The following PCBP3 variants were observed in gnomAD, a reference collection of about 807,000 sequenced individuals.
The protein encoded by PCBP3 is poly(rC)-binding protein 3.
PCBP3 carries 25 observed loss-of-function variants against 52.7 expected under a neutral mutation model. The observed-to-expected ratio is 0.47, with a 90% CI of 0.35 to 0.66. The LOEUF (loss-of-function observed/expected upper bound fraction) is 0.66. Ranked by LOEUF, PCBP3 falls within the 30% of genes least tolerant of loss-of-function variation. PCBP3 has a pLI of 0.01. For synonymous variants in PCBP3, 162 were observed against 183.0 expected, an observed-to-expected ratio of 0.89 and a Z score of 0.93; for missense variants, 391 against 490.3, an observed-to-expected ratio of 0.80 and a Z score of 1.91.
chr21:45,839,450 G>A (rs1307010245), intron 4 of PCBP3, among the ~76,000 whole-genome samples: 1 of 152,084 alleles, frequency 6.6e-6, no homozygotes, highest in African/African-American at 2.4e-5. Context: ...TTCGTGGTTG[G>A]CCCAACCCCA....
rs1014382336 is a variant in PCBP3, at chr21:45,817,621, A to G, written c.-125-32340A>G. Among the ~76,000 whole-genome samples, 4 of 152,218 alleles carry G rather than the reference A, an allele frequency of 2.6e-5. No individual in the cohort carries two copies. Among genetic ancestry groups the G allele is most frequent in the African/African-American group, 9.7e-5 (4 of 41,436 alleles). Reference sequence around the variant, plus strand: ...TGAGCAGCAACTTGACAGTGGACGCAGCTAGAAAGCAGCCGGCGAGGAGCT... The same window carrying G: ...TGAGCAGCAACTTGACAGTGGACGCGGCTAGAAAGCAGCCGGCGAGGAGCT... On this transcript the variant is annotated intron_variant, in intron 4 of 17. Coordinates refer to ENST00000681687, the MANE Select transcript of PCBP3 (RefSeq NM_001384156.1). This position sits in a 1 kb window ranked among gnomAD's most constrained non-coding sequence, Gnocchi z 4.3.
intron 4 of PCBP3, among the ~76,000 whole-genome samples, chr21:45,772,855 C>G (rs756966022): frequency 1.1e-4 from 16 of 152,104 alleles, no homozygotes; most frequent in Admixed American, 3.9e-4. Flanking sequence ...TTTTCACATA[C>G]TTCTTGGCTG....
chr21:45,734,886 G>C (rs1445781218), intron 2 of PCBP3, among the ~76,000 whole-genome samples: 5 of 152,226 alleles, frequency 3.3e-5, no homozygotes, highest in African/African-American at 1.2e-4. Context: ...CTGGACAGAG[G>C]CCGGCTGTCT....
intron 4 of PCBP3, among the ~76,000 whole-genome samples, chr21:45,845,709 C>T (rs2093796261): frequency 1.3e-5 from 2 of 152,170 alleles, no homozygotes; most frequent in South Asian, 2.1e-4. Flanking sequence ...CCCGTTTGCA[C>T]ATGTATGTGA....
rs141336156 is a variant in PCBP3 at position 45,921,679 on chromosome 21, C to T, written c.717+4050C>T. ...AAAAATACAAAAAAATTTAGCCAGA[C>T]GTGGTGGCACACGCCTGTAGTCCCA... On this transcript the variant is annotated intron_variant, in intron 13 of 17. Transcript: ENST00000681687. Among the ~76,000 whole-genome samples the T allele has an allele frequency of 1.7e-4, 26 of 152,132 alleles. No homozygotes were observed. The East Asian group carries it at 2.7e-3, about 16-fold the overall frequency.
intron 2 of PCBP3, among the ~76,000 whole-genome samples, chr21:45,689,941 A>G (rs929374913): frequency 6.6e-6 from 1 of 152,158 alleles, no homozygotes; most frequent in Non-Finnish European, 1.5e-5. Context: ...ATTTGAATTG[A>G]TCTACAGATT....
At chr21:45,780,867 C>T (rs1232127063) in intron 4 of PCBP3, among the ~76,000 whole-genome samples, 1 of 152,128 alleles carries the variant, frequency 6.6e-6, no homozygotes, top group Non-Finnish European at 1.5e-5. Flanking sequence ...AAGCTGGTTT[C>T]CTGCAGGGAA....
In PCBP3 at chr21:45,701,536, CATTTT is replaced by C. The variant is rs1250270146; in HGVS notation, c.-200+32588_-200+32592del. Reference sequence around the variant, plus strand: ...TAATGAACCCATTATATAATAAAAACATTTTATTATTTATTTATTGAGACAGTTTC... The same window carrying C: ...TAATGAACCCATTATATAATAAAAACATTATTTATTTATTGAGACAGTTTC... On this transcript the variant is annotated intron_variant, in intron 2 of 17. Coordinates refer to ENST00000681687, the MANE Select transcript of PCBP3 (RefSeq NM_001384156.1). Among the ~76,000 whole-genome samples, 9 of 152,224 alleles carry C rather than the reference CATTTT, an allele frequency of 5.9e-5. No individual in the cohort carries two copies. In the East Asian group the frequency reaches 1.7e-3, roughly 29 times the overall value.
chr21:45,753,401 A>G (rs1481890624), intron 3 of PCBP3, among the ~76,000 whole-genome samples: 2 of 151,772 alleles, frequency 1.3e-5, no homozygotes, highest in Non-Finnish European at 1.5e-5. Flanking sequence ...TTTATCTAGT[A>G]TATATTTTTC....
At chr21:45,765,362 A>C (rs1354113544) in intron 4 of PCBP3, among the ~76,000 whole-genome samples, 1 of 152,238 alleles carries the variant, frequency 6.6e-6, no homozygotes, top group Admixed American at 6.5e-5. Flanking sequence ...TGAGGTAATC[A>C]GATTTTTTGT....
chr21:45,911,606 G>C (rs1387821188), intron 11 of PCBP3, among the ~76,000 whole-genome samples: 1 of 152,132 alleles, frequency 6.6e-6, no homozygotes, highest in Non-Finnish European at 1.5e-5. Context: ...TGAAGTTTCG[G>C]GGGGAGGAAA....
At chr21:45,784,813 A>G (rs12329855) in intron 4 of PCBP3, among the ~76,000 whole-genome samples, 25,856 of 152,070 alleles carry the variant, frequency 0.17, 2,297 homozygotes, top group Middle Eastern at 0.32. Flanking sequence ...GCTCGCTACA[A>G]CATCCACCTC....
intron 2 of PCBP3, among the ~76,000 whole-genome samples, chr21:45,698,485 G>T (rs890644188): frequency 6.6e-6 from 1 of 152,238 alleles, no homozygotes; most frequent in Non-Finnish European, 1.5e-5. Context: ...GCCTAGCAGG[G>T]CTCTCTTGGG....
intron 4 of PCBP3, among the ~76,000 whole-genome samples, chr21:45,846,704 T>C (rs956469596): frequency 6.6e-6 from 1 of 152,230 alleles, no homozygotes; most frequent in Non-Finnish European, 1.5e-5. Flanking sequence ...TCTTAACTCA[T>C]ATGGCTTCGC....
rs2090917357 is a variant in PCBP3 at position 45,784,414 on chromosome 21, C to CT, written c.-126+28962_-126+28963insT. On this transcript the variant is annotated intron_variant, in intron 4 of 17. Coordinates refer to ENST00000681687, the MANE Select transcript of PCBP3 (RefSeq NM_001384156.1). ...CCTCTACCGCTACCTCTACCGCTAC[C>CT]GCTACCCCTACCTCCTACCTCCTAC... Among the ~76,000 whole-genome samples, 8 of 140,602 alleles carry CT rather than the reference C, an allele frequency of 5.7e-5. No individual in the cohort carries two copies. In the East Asian group the frequency reaches 1.2e-3, roughly 21 times the overall value. The allele number at this position is 140,602 out of a possible 152,430, so 92.2% of individuals were successfully genotyped here.
At chr21:45,940,620 T>TCTGCAGG (rs1342127110) in intron 17 of PCBP3, among the ~76,000 whole-genome samples, 1 of 151,874 alleles carries the variant, frequency 6.6e-6, no homozygotes, top group Non-Finnish European at 1.5e-5. Flanking sequence ...AGGACAGGAC[T>TCTGCAGG]CTGCAGGCCG....
At chr21:45,818,819 A>G (rs1220606434) in intron 4 of PCBP3, among the ~76,000 whole-genome samples, 1 of 152,228 alleles carries the variant, frequency 6.6e-6, no homozygotes, top group African/African-American at 2.4e-5. Flanking sequence ...GTGGAATATG[A>G]TTCAGCACTA....
intron 4 of PCBP3, among the ~76,000 whole-genome samples, chr21:45,844,481 C>T (rs1297910757): frequency 6.6e-6 from 1 of 152,104 alleles, no homozygotes; most frequent in Non-Finnish European, 1.5e-5. Context: ...CCGCAGGACA[C>T]CTGCCAGGGT....
At chr21:45,816,356 CACAA>C (rs1332573103) in intron 4 of PCBP3, among the ~76,000 whole-genome samples, 1 of 151,930 alleles carries the variant, frequency 6.6e-6, no homozygotes. Context: ...TAGCTTAAAA[CACAA>C]ACACATTGTA....
Sources: gnomAD v4.1 joint callset for allele counts (sites outside exome capture counted in the v4.1 genomes callset) on GRCh38, gnomAD v4.1.1 for gene constraint, Gnocchi (gnomAD v3.1) non-coding constraint, MANE v1.5 for transcripts, NCBI Gene and HGNC (gene_info 2026-07-23, HGNC 2026-07-21) for gene names.